Variants in PDE1C observed in about 807,000 individuals in gnomAD.
PDE1C encodes the protein phosphodiesterase 1C.
A neutral mutation model predicts 93.1 loss-of-function variants in PDE1C; 62 were observed. The observed-to-expected ratio is 0.67, with a 90% confidence interval of 0.54 to 0.82. The LOEUF is 0.82. Among genes scored for constraint, PDE1C ranks in the 40% least tolerant of loss-of-function variants. The probability of loss-of-function intolerance (pLI) is 0.00; values close to 1 mark genes in which losing one functional copy is unlikely to be tolerated. For missense variants in PDE1C, 742 were observed against 884.6 expected (o/e 0.84, Z 2.04); for synonymous variants, 325 against 310.1 (o/e 1.05, Z -0.50).
intron 2 of PDE1C, among the ~76,000 whole-genome samples, chr7:31,908,907 C>A (rs188553253): frequency 1.3e-5 from 2 of 152,216 alleles, no homozygotes; most frequent in African/African-American, 4.8e-5. Flanking sequence ...GCTACATAAT[C>A]TGGGTGGAAA....
At chr7:32,078,281 T>C (rs368925107) in intron 3 of PDE1C, among the ~76,000 whole-genome samples, 15 of 152,330 alleles carry the variant, frequency 9.8e-5, no homozygotes, top group African/African-American at 3.6e-4. Flanking sequence ...CAGCAGAGCT[T>C]GGACCAGAAG....
At chr7:31,818,952 T>A (rs1311017061) in intron 14 of PDE1C, among the ~76,000 whole-genome samples, 1 of 152,106 alleles carries the variant, frequency 6.6e-6, no homozygotes, top group African/African-American at 2.4e-5. Context: ...CAATTTCCCA[T>A]GGGAAATCTA....
At chr7:31,893,549 T>A (rs1798906145) in intron 2 of PDE1C, 1 of 937,740 alleles carries the variant, frequency 1.1e-6, no homozygotes, top group Non-Finnish European at 1.3e-6. Context: ...TCCTTTCACT[T>A]TTAGTTCTAT....
intron 2 of PDE1C, among the ~76,000 whole-genome samples, chr7:31,917,253 G>T (rs1802047695): frequency 6.6e-6 from 1 of 152,152 alleles, no homozygotes; most frequent in Non-Finnish European, 1.5e-5. Flanking sequence ...TACATTAGAT[G>T]ATGTGCTCTA....
At chr7:31,662,172 C>T in the PDE1C span, among the ~76,000 whole-genome samples, 43 of 152,088 alleles carry the variant, frequency 2.8e-4, no homozygotes, top group Non-Finnish European at 4.9e-4. Context: ...GTTTATTCAC[C>T]CTGGAAGGGA....
At chr7:31,917,429 T>G (rs1563028273) in intron 2 of PDE1C, among the ~76,000 whole-genome samples, 1 of 152,058 alleles carries the variant, frequency 6.6e-6, no homozygotes, top group African/African-American at 2.4e-5. Context: ...TATAAATGAG[T>G]CAGACCTATG....
intron 2 of PDE1C, among the ~76,000 whole-genome samples, chr7:31,926,472 T>C (rs546959399): frequency 1.3e-5 from 2 of 152,184 alleles, no homozygotes; most frequent in Non-Finnish European, 2.9e-5. Flanking sequence ...CTCTAACAGA[T>C]AGAACCATGT....
the PDE1C span, among the ~76,000 whole-genome samples, chr7:31,640,030 A>G: frequency 2.0e-5 from 3 of 152,160 alleles, no homozygotes; most frequent in African/African-American, 7.2e-5. Context: ...ATAGTACTAT[A>G]TTCCCATAAA....
At chr7:32,400,453 C>A (rs566950726) in intron 1 of PDE1C, among the ~76,000 whole-genome samples, 1 of 152,088 alleles carries the variant, frequency 6.6e-6, no homozygotes, top group South Asian at 2.1e-4. Flanking sequence ...TGTGGTCAGA[C>A]GGAAAATACT....
At chr7:32,304,305 G>A (rs957202608), upstream of PDE1C, among the ~76,000 whole-genome samples, 5 of 152,188 alleles carry the variant, frequency 3.3e-5, no homozygotes, top group Non-Finnish European at 7.3e-5. Context: ...TATGGTCTGC[G>A]GGTAGCAGAG....
At chr7:32,331,386 G>A (rs143132144) in intron 1 of PDE1C, among the ~76,000 whole-genome samples, 20 of 152,290 alleles carry the variant, frequency 1.3e-4, no homozygotes, top group African/African-American at 4.1e-4. Flanking sequence ...AGGTTAGTGG[G>A]GAAGACAGAC....
intron 2 of PDE1C, chr7:31,941,672 C>T (rs567658878): frequency 3.3e-5 from 5 of 152,546 alleles, no homozygotes; most frequent in Non-Finnish European, 7.3e-5. Flanking sequence ...TAATTGAGTC[C>T]TTTCAGACAT....
chr7:31,721,064 C>A, the PDE1C span, among the ~76,000 whole-genome samples: 2 of 152,184 alleles, frequency 1.3e-5, no homozygotes, highest in Non-Finnish European at 2.9e-5. Flanking sequence ...TACATCTCAG[C>A]CCAAAATGTT....
rs569258971 is a variant in PDE1C at position 32,275,673 on chromosome 7, C to T, written c.85+22978G>A. 5.9e-5 allele frequency among the ~76,000 whole-genome samples: 9 copies of T among 152,126 alleles called. 1 individual carries two copies. Among genetic ancestry groups the T allele is most frequent in the Admixed American group, 5.2e-4 (8 of 15,268 alleles). On this transcript the variant is annotated intron_variant, in intron 1 of 18. Transcript: ENST00000396193. Reference sequence around the variant, plus strand: ...AAAAATAAAACCAAAAAAAAAAAGCCTTAAGTCTTTCAGGTTGCACCTGCA... The same window carrying T: ...AAAAATAAAACCAAAAAAAAAAAGCTTTAAGTCTTTCAGGTTGCACCTGCA...
chr7:31,694,384 T>TCAAACACACA, the PDE1C span, among the ~76,000 whole-genome samples: 1 of 98,416 alleles, frequency 1.0e-5, no homozygotes. Context: ...TCTCTCTCTC[T>TCAAACACACA]CAAACACACA....
chr7:32,325,858 A>C (rs1783393817), intron 1 of PDE1C, among the ~76,000 whole-genome samples: 1 of 152,204 alleles, frequency 6.6e-6, no homozygotes, highest in South Asian at 2.1e-4. Context: ...TCTGAGCCCA[A>C]GAGGGAGATA....
At chr7:31,678,341 G>A in the PDE1C span, among the ~76,000 whole-genome samples, 26 of 152,038 alleles carry the variant, frequency 1.7e-4, no homozygotes, top group Non-Finnish European at 2.5e-4. Context: ...TCATAAACCC[G>A]GTATAAAATC....
chr7:32,193,105 A>C (rs1804351199), intron 2 of PDE1C, among the ~76,000 whole-genome samples: 1 of 152,054 alleles, frequency 6.6e-6, no homozygotes, highest in African/African-American at 2.4e-5. Context: ...AAAAGGGACA[A>C]TTTTACTTCT....
rs552910767 is a variant in PDE1C at position 32,106,016 on chromosome 7, T to C, written c.308+63769A>G. Among the ~76,000 whole-genome samples, 8 of 152,150 alleles carry C rather than the reference T, an allele frequency of 5.3e-5. No individual in the cohort carries two copies. The South Asian group carries it at 1.7e-3, about 32-fold the overall frequency. ...TGGAGTTTTACTTACTTGTATTTAGTTTTATTCTTTTTAGAGACAAGGTCT... is the reference window on the plus strand; with the variant it reads ...TGGAGTTTTACTTACTTGTATTTAGCTTTATTCTTTTTAGAGACAAGGTCT... On this transcript the variant is annotated intron_variant, in intron 3 of 18. Transcript: ENST00000396193.
Sources: gnomAD v4.1 joint callset for allele counts (sites outside exome capture counted in the v4.1 genomes callset) on GRCh38, gnomAD v4.1.1 for gene constraint, MANE v1.5 for transcripts, NCBI Gene and HGNC (gene_info 2026-07-23, HGNC 2026-07-21) for gene names.